MLLT1: variants seen among roughly 807,000 people sequenced by gnomAD.
MLLT1 encodes MLLT1 super elongation complex subunit.
Under a neutral mutation model 55.1 loss-of-function variants are expected in MLLT1, and 11 were observed. The ratio of observed to expected loss-of-function variants is 0.20; its 90% CI spans 0.13 to 0.33. MLLT1 has a LOEUF of 0.33. Among genes scored for constraint, MLLT1 ranks in the 10% least tolerant of loss-of-function variants. The pLI, the probability that MLLT1 is intolerant of heterozygous loss-of-function variation, is 1.00. For synonymous variants in MLLT1, 323 were observed against 320.1 expected, an observed-to-expected ratio of 1.01 and a Z score of -0.10; for missense variants, 536 against 760.6, an observed-to-expected ratio of 0.70 and a Z score of 3.47.
chr19:6,245,196 TTTTC>T (rs1287887901), intron 3 of MLLT1, among the ~76,000 whole-genome samples: 1 of 150,936 alleles, frequency 6.6e-6, no homozygotes, highest in South Asian at 2.1e-4. Context: ...TTTTTAAATC[TTTTC>T]TTTTTTTCCT....
chr19:6,216,330 C>T, intron 8 of MLLT1, 75 bp downstream of exon 8: 1 of 1,101,460 alleles, frequency 9.1e-7, no homozygotes, highest in Non-Finnish European at 1.3e-6. Flanking sequence ...ACCTGCAGCC[C>T]CACAATCACT....
chr19:6,257,856 A>G (rs1277711478), intron 3 of MLLT1, among the ~76,000 whole-genome samples: 1 of 152,116 alleles, frequency 6.6e-6, no homozygotes, highest in Non-Finnish European at 1.5e-5. Flanking sequence ...CTCGAGAAAG[A>G]GATACGTGCA....
At chr19:6,247,573 T>TG (rs2091180302) in intron 3 of MLLT1, among the ~76,000 whole-genome samples, 1 of 152,220 alleles carries the variant, frequency 6.6e-6, no homozygotes, top group Non-Finnish European at 1.5e-5. Flanking sequence ...GGCTCTTCCT[T>TG]ACTGAAAAAT....
chr19:6,279,523 G>A (rs936976874), intron 1 of MLLT1, among the ~76,000 whole-genome samples: 1 of 151,940 alleles, frequency 6.6e-6, no homozygotes, highest in South Asian at 2.1e-4. Context: ...CAGGCTGGGG[G>A]GTCACCAGGG....
chr19:6,243,849 C>G (rs938022875), intron 3 of MLLT1, among the ~76,000 whole-genome samples: 9 of 152,018 alleles, frequency 5.9e-5, no homozygotes, highest in Admixed American at 6.5e-5. Flanking sequence ...CGAGACCATC[C>G]TGGCTAACAC....
In MLLT1 at chr19:6,212,955, G is replaced by T; in HGVS notation, c.*87C>A. On this transcript the variant is annotated 3_prime_UTR_variant, in exon 12 of 12. Transcript: ENST00000252674. ...GGCTGTCGCTAAGGCAGTGCTGCGGGCAGGCGAGACGGGAGAGGAGGGCAG... is the reference window on the plus strand; with the variant it reads ...GGCTGTCGCTAAGGCAGTGCTGCGGTCAGGCGAGACGGGAGAGGAGGGCAG... The T allele has an allele frequency of 1.3e-6, 2 of 1,520,608 alleles. No individual in the cohort carries two copies. Among genetic ancestry groups the T allele is most frequent in the Non-Finnish European group, 1.8e-6 (2 of 1,117,506 alleles). The allele number at this position is 1,520,608 out of a possible 1,614,324, so 94.2% of individuals were successfully genotyped here. A position where few individuals can be genotyped will look rare whatever the true frequency, so the allele number is the denominator to read the frequency against.
At chr19:6,239,086 C>T (rs1600191931) in intron 3 of MLLT1, among the ~76,000 whole-genome samples, 2 of 152,220 alleles carry the variant, frequency 1.3e-5, no homozygotes, top group East Asian at 3.9e-4. Flanking sequence ...GTGCCAAACC[C>T]ACTAGTCCAC....
intron 1 of MLLT1, among the ~76,000 whole-genome samples, chr19:6,275,435 C>T (rs1455922329): frequency 1.3e-5 from 2 of 152,284 alleles, no homozygotes; most frequent in East Asian, 1.9e-4. Context: ...CATGGAGCGA[C>T]GGCAACATGA....
chr19:6,213,136 T>C lies in MLLT1; in HGVS notation c.1586A>G (p.Asn529Ser), dbSNP rs753510616. The change falls in exon 12 of 12, where the codon AAT (asparagine) becomes AGT (serine). Residue 529 changes from asparagine to serine, a missense_variant. By Grantham distance (46) the Asn-to-Ser change is conservative. Transcript: ENST00000252674. Reference sequence around the variant, plus strand: ...GAAGTCGAAGGTGGTGTTGGTGACATTGAAGTGGCCAGTCTCCTCGATCAG... The same window carrying C: ...GAAGTCGAAGGTGGTGTTGGTGACACTGAAGTGGCCAGTCTCCTCGATCAG... ...VNLIEETGHF[N>S]VTNTTFDFDL... 8.1e-6 allele frequency: 13 copies of C among 1,613,832 alleles called. No individual in the cohort carries two copies. Among genetic ancestry groups the C allele is most frequent in the Non-Finnish European group, 1.0e-5 (12 of 1,179,876 alleles).
chr19:6,255,526 T>G (rs1013711834), intron 3 of MLLT1, among the ~76,000 whole-genome samples: 2 of 151,926 alleles, frequency 1.3e-5, no homozygotes, highest in Admixed American at 1.3e-4. Flanking sequence ...AGGAATAAAT[T>G]TAAGCACACA....
chr19:6,256,254 T>TAAATAAATA lies in MLLT1; in HGVS notation c.276+5973_276+5974insTATTTATTT, dbSNP rs776012193. Among the ~76,000 whole-genome samples the TAAATAAATA allele has an allele frequency of 0.016, 2,396 of 148,294 alleles. 31 individuals carry two copies. Among genetic ancestry groups the TAAATAAATA allele is most frequent in the Middle Eastern group, 0.052 (15 of 286 alleles). On this transcript the variant is annotated intron_variant, in intron 3 of 11. Coordinates refer to ENST00000252674, the MANE Select transcript of MLLT1 (RefSeq NM_005934.4). This position sits in a 1 kb window ranked among gnomAD's most constrained non-coding sequence, Gnocchi z 4.1. ...ATAAATAAATAAATAAATAAATAAATAAAAAGACCAGCCTGGGCAACACAA... is the reference window on the plus strand; with the variant it reads ...ATAAATAAATAAATAAATAAATAAATAAATAAATAAAAAAGACCAGCCTGGGCAACACAA...
intron 3 of MLLT1, among the ~76,000 whole-genome samples, chr19:6,243,958 G>T (rs1325708352): frequency 1.3e-5 from 2 of 150,978 alleles, no homozygotes; most frequent in Non-Finnish European, 2.9e-5. Context: ...GTAGGAGAAA[G>T]GTGTGAACCC....
At position 6,212,982 on chromosome 19, in the gene MLLT1, C is replaced by A; in HGVS notation, c.*60G>T. On this transcript the variant is annotated 3_prime_UTR_variant, in exon 12 of 12. Transcript: ENST00000252674. Reference sequence around the variant, plus strand: ...AGGCGAGACGGGAGAGGAGGGCAGGCGAGGCCTGGCTGCAGCCTCCCAGGA... The same window carrying A: ...AGGCGAGACGGGAGAGGAGGGCAGGAGAGGCCTGGCTGCAGCCTCCCAGGA... The A allele has an allele frequency of 6.3e-7, 1 of 1,593,888 alleles. No individual in the cohort carries two copies. The highest frequency in any genetic ancestry group is 8.6e-7 in the Non-Finnish European group (1 of 1,169,232).
At chr19:6,224,965 G>A (rs972452786) in intron 5 of MLLT1, among the ~76,000 whole-genome samples, 1 of 152,314 alleles carries the variant, frequency 6.6e-6, no homozygotes. Context: ...TCCTGACCTC[G>A]TGATCCGAAT....
At position 6,256,580 on chromosome 19, in the gene MLLT1, T is replaced by C. The variant is rs962578485; in HGVS notation, c.276+5648A>G. ...CCATCCTGGCTAACACGGTGAAACCTGGTCTCTACTACAAATACAAAAAAT... is the reference window on the plus strand; with the variant it reads ...CCATCCTGGCTAACACGGTGAAACCCGGTCTCTACTACAAATACAAAAAAT... On this transcript the variant is annotated intron_variant, in intron 3 of 11. Transcript: ENST00000252674. The surrounding 1 kb of genome is among the most constrained non-coding windows in gnomAD (Gnocchi z 4.1). Among the ~76,000 whole-genome samples, 9 of 152,000 alleles carry C rather than the reference T, an allele frequency of 5.9e-5. No individual in the cohort carries two copies. The highest frequency in any genetic ancestry group is 1.2e-4 in the Non-Finnish European group (8 of 67,994).
chr19:6,243,276 C>T (rs561301023), intron 3 of MLLT1, among the ~76,000 whole-genome samples: 186 of 152,262 alleles, frequency 1.2e-3, no homozygotes, highest in Non-Finnish European at 1.9e-3. Flanking sequence ...CGGCAGCCCC[C>T]GGCCCCTGCC....
chr19:6,243,937 G>A (rs559470641), intron 3 of MLLT1, among the ~76,000 whole-genome samples: 39 of 151,784 alleles, frequency 2.6e-4, no homozygotes, highest in Non-Finnish European at 5.3e-4. Context: ...CCAGCCACTC[G>A]GGAGGCTGAG....
rs1210289133 is a variant in MLLT1 at position 6,262,020 on chromosome 19, C to T, written c.276+208G>A. 1.3e-5 allele frequency among the ~76,000 whole-genome samples: 2 copies of T among 152,170 alleles called. No homozygotes were observed. Among genetic ancestry groups the T allele is most frequent in the Non-Finnish European group, 1.5e-5 (1 of 68,028 alleles). On this transcript the variant is annotated intron_variant, in intron 3 of 11. Transcript: ENST00000252674. The surrounding 1 kb of genome is among the most constrained non-coding windows in gnomAD (Gnocchi z 4.4). ...CCCTAGAGAAGCAGACCAAGGGACA[C>T]GCCCACCTGCTGTCATGAAACCAGC...
intron 3 of MLLT1, among the ~76,000 whole-genome samples, chr19:6,236,882 C>T (rs1271048345): frequency 6.6e-6 from 1 of 152,238 alleles, no homozygotes; most frequent in Admixed American, 6.5e-5. Context: ...TCCAGCCGGA[C>T]TGTGCTGTGA....
Sources: allele counts gnomAD v4.1 joint callset (sites outside exome capture counted in the v4.1 genomes callset), GRCh38; gene constraint gnomAD v4.1.1; non-coding constraint Gnocchi (gnomAD v3.1); transcripts MANE v1.5; gene names NCBI Gene and HGNC (gene_info 2026-07-23, HGNC 2026-07-21).